Variants in TMEM45A observed in about 807,000 individuals in gnomAD.
The protein encoded by TMEM45A is transmembrane protein 45A, also known as DNA polymerase-transactivated protein 4.
TMEM45A carries 25 observed loss-of-function variants against 32.0 expected under a neutral mutation model. The observed-to-expected ratio is 0.78, with a 90% confidence interval of 0.57 to 1.09. The LOEUF (loss-of-function observed/expected upper bound fraction) is 1.09, where lower values mean the gene tolerates loss of function less well. Ranked by LOEUF, TMEM45A falls within the 50% of genes least tolerant of loss-of-function variation. TMEM45A has a pLI of 0.00. For synonymous variants in TMEM45A, 122 were observed against 114.8 expected (o/e 1.06, Z -0.40); for missense variants, 302 against 325.0 (o/e 0.93, Z 0.54).
intron 1 of TMEM45A, among the ~76,000 whole-genome samples, chr3:100,531,907 A>G (rs1436428939): frequency 2.6e-5 from 4 of 152,168 alleles, no homozygotes; most frequent in Admixed American, 2.6e-4. Context: ...TGAATTTGTA[A>G]ATTTGTTTCA....
At chr3:100,499,483 G>A (rs1434244623) in intron 1 of TMEM45A, among the ~76,000 whole-genome samples, 1 of 152,170 alleles carries the variant, frequency 6.6e-6, no homozygotes, top group Non-Finnish European at 1.5e-5. Context: ...GATATCATAA[G>A]CATAGACATA....
chr3:100,496,541 G>A (rs910819030), intron 1 of TMEM45A, among the ~76,000 whole-genome samples: 2 of 152,224 alleles, frequency 1.3e-5, no homozygotes, highest in Non-Finnish European at 2.9e-5. Flanking sequence ...TTGTGGTGGT[G>A]ATAGTTGAGA....
At chr3:100,513,104 A>G (rs1708195167) in intron 1 of TMEM45A, among the ~76,000 whole-genome samples, 1 of 149,742 alleles carries the variant, frequency 6.7e-6, no homozygotes, top group Admixed American at 6.6e-5. Flanking sequence ...AAAAAGAGGG[A>G]ATCCTCCCTA....
At chr3:100,531,290 G>A (rs1020464184) in intron 1 of TMEM45A, among the ~76,000 whole-genome samples, 6 of 152,094 alleles carry the variant, frequency 3.9e-5, no homozygotes, top group Non-Finnish European at 7.4e-5. Flanking sequence ...GTGTGTGTCT[G>A]CGTGAGTGTA....
intron 1 of TMEM45A, among the ~76,000 whole-genome samples, chr3:100,515,782 A>T (rs991341109): frequency 1.3e-5 from 2 of 152,152 alleles, no homozygotes; most frequent in African/African-American, 4.8e-5. Context: ...AATACATGAG[A>T]GCTAAAAAAG....
rs1165874095 is a variant in TMEM45A, at chr3:100,507,028, GA to G, written c.-4+14101del. ...GGCAGAAGTTGGAGGCTGGGTCAGA[GA>G]GGAGTGTTCTGGGATCATGCATGGA... On this transcript the variant is annotated intron_variant, in intron 1 of 5. Coordinates refer to ENST00000323523, the MANE Select transcript of TMEM45A (RefSeq NM_018004.3). 2.0e-5 allele frequency among the ~76,000 whole-genome samples: 3 copies of G among 152,368 alleles called. No homozygotes were observed. The East Asian group carries it at 5.8e-4, about 29-fold the overall frequency.
intron 4 of TMEM45A, among the ~76,000 whole-genome samples, chr3:100,560,706 T>G (rs1236368628): frequency 6.6e-6 from 1 of 152,144 alleles, no homozygotes; most frequent in African/African-American, 2.4e-5. Flanking sequence ...AGATCAAGTT[T>G]GTTAAAAAGC....
chr3:100,512,085 G>A (rs1373161035), intron 1 of TMEM45A, among the ~76,000 whole-genome samples: 1 of 152,046 alleles, frequency 6.6e-6, no homozygotes, highest in Non-Finnish European at 1.5e-5. Context: ...AGTCAACAAG[G>A]ATACCCAGGA....
chr3:100,514,866 AC>A (rs1708234093), intron 1 of TMEM45A, among the ~76,000 whole-genome samples: 2 of 149,832 alleles, frequency 1.3e-5, no homozygotes, highest in Admixed American at 1.3e-4. Context: ...GCCAAAAAAC[AC>A]ATGAAAAAAT....
chr3:100,499,340 T>A (rs908822640), intron 1 of TMEM45A, among the ~76,000 whole-genome samples: 11 of 152,218 alleles, frequency 7.2e-5, no homozygotes, highest in Non-Finnish European at 2.9e-5. Flanking sequence ...TATGTATAAG[T>A]CTTTGTTCCA....
chr3:100,550,818 G>A (rs1222846935), intron 1 of TMEM45A, among the ~76,000 whole-genome samples: 1 of 152,128 alleles, frequency 6.6e-6, no homozygotes, highest in African/African-American at 2.4e-5. Context: ...ACGCCGGGGG[G>A]TGTTCAGCAA....
At chr3:100,570,215 G>C (rs554493549) in intron 5 of TMEM45A, among the ~76,000 whole-genome samples, 1 of 152,282 alleles carries the variant, frequency 6.6e-6, no homozygotes, top group Admixed American at 6.5e-5. Context: ...ACATCTAGCA[G>C]GTTCTCTGAT....
intron 1 of TMEM45A, among the ~76,000 whole-genome samples, chr3:100,550,646 TC>T (rs918100705): frequency 6.6e-6 from 1 of 152,256 alleles, no homozygotes; most frequent in African/African-American, 2.4e-5. Flanking sequence ...TGAGTTGTTT[TC>T]CCTTTCTGTG....
At chr3:100,526,345 A>G (rs1024869614) in intron 1 of TMEM45A, among the ~76,000 whole-genome samples, 1 of 152,130 alleles carries the variant, frequency 6.6e-6, no homozygotes, top group African/African-American at 2.4e-5. Flanking sequence ...CCATCTTCCC[A>G]TATTTCTACT....
At chr3:100,539,503 G>GTATACGTATACA in intron 1 of TMEM45A, among the ~76,000 whole-genome samples, 1 of 147,288 alleles carries the variant, frequency 6.8e-6, no homozygotes, top group South Asian at 2.1e-4. Context: ...ATACGTATAC[G>GTATACGTATACA]TATACGTATA....
At chr3:100,570,431 G>T (rs1224235398) in intron 5 of TMEM45A, among the ~76,000 whole-genome samples, 4 of 152,204 alleles carry the variant, frequency 2.6e-5, no homozygotes, top group Non-Finnish European at 5.9e-5. Flanking sequence ...TCAGCTGCAG[G>T]TCAGCCCACT....
At chr3:100,501,371 AG>A (rs1255199835) in intron 1 of TMEM45A, among the ~76,000 whole-genome samples, 2 of 152,144 alleles carry the variant, frequency 1.3e-5, no homozygotes, top group African/African-American at 4.8e-5. Flanking sequence ...ATCTGTGAAA[AG>A]CTCCCCAGAG....
At chr3:100,574,127 G>C (rs911826097) in intron 5 of TMEM45A, 1 of 152,192 alleles carries the variant, frequency 6.6e-6, no homozygotes, top group African/African-American at 2.4e-5. Context: ...ATGAGTTAGG[G>C]AGGATTCCCT....
At chr3:100,509,158 A>C (rs1044572623) in intron 1 of TMEM45A, among the ~76,000 whole-genome samples, 1 of 152,232 alleles carries the variant, frequency 6.6e-6, no homozygotes, top group Admixed American at 6.5e-5. Flanking sequence ...AAGACATACG[A>C]ATGACTAACA....
Sources: gnomAD v4.1 joint callset for allele counts (sites outside exome capture counted in the v4.1 genomes callset) on GRCh38, gnomAD v4.1.1 for gene constraint, MANE v1.5 for transcripts, NCBI Gene and HGNC (gene_info 2026-07-23, HGNC 2026-07-21) for gene names.